LRRC51: variants seen among roughly 807,000 people sequenced by gnomAD.
The protein encoded by LRRC51 is leucine-rich repeat-containing protein 51.
A neutral mutation model predicts 17.8 loss-of-function variants in LRRC51; 8 were observed. The ratio of observed to expected loss-of-function variants is 0.45; its 90% CI spans 0.26 to 0.81. The LOEUF is 0.81. Ranked by LOEUF, LRRC51 falls within the 30% of genes least tolerant of loss-of-function variation. The probability of loss-of-function intolerance (pLI) is 0.17; values close to 1 mark genes in which losing one functional copy is unlikely to be tolerated. For synonymous variants in LRRC51, 92 were observed against 96.0 expected (o/e 0.96, Z 0.24); for missense variants, 233 against 239.3 (o/e 0.97, Z 0.17).
Position 72,093,583 on chromosome 11 carries a change from A to G in LRRC51, c.170A>G (p.Asn57Ser), listed in dbSNP as rs762696159. The change falls in exon 4 of 6, where the codon AAT becomes AGT. Residue 57 changes from asparagine (N) to serine (S), a missense_variant. Coordinates refer to ENST00000289488, the MANE Select transcript of LRRC51 (RefSeq NM_145309.6). ...GKSLTQSLWL[N>S]NNVLNDLRDF... ...TCACTGACCCAGTCCCTGTGGCTGA[A>G]TAACAATGTTCTCAATGATCTGAGA... The G allele has an allele frequency of 6.2e-7, 1 of 1,614,210 alleles. No individual in the cohort carries two copies. The highest frequency in any genetic ancestry group is 2.2e-5 in the East Asian group (1 of 44,890).
intron 1 of LRRC51, among the ~76,000 whole-genome samples, chr11:72,082,022 T>C (rs932456395): frequency 6.6e-5 from 10 of 152,194 alleles, no homozygotes; most frequent in Non-Finnish European, 1.2e-4. Flanking sequence ...CAGCTAAGTC[T>C]CTTTAGCTTC....
At chr11:72,090,264 C>T (rs1409672216) in intron 3 of LRRC51, among the ~76,000 whole-genome samples, 3 of 152,130 alleles carry the variant, frequency 2.0e-5, no homozygotes, top group Admixed American at 6.5e-5. Flanking sequence ...AAGACAGGTG[C>T]AATGACAGAG....
intron 3 of LRRC51, among the ~76,000 whole-genome samples, chr11:72,093,182 A>G (rs1451808610): frequency 6.6e-6 from 1 of 152,230 alleles, no homozygotes; most frequent in Non-Finnish European, 1.5e-5. Flanking sequence ...CTCAAGCCCA[A>G]CAATTCTGGT....
intron 4 of LRRC51, chr11:72,094,741 A>G: frequency 1.0e-6 from 1 of 982,162 alleles, no homozygotes. Flanking sequence ...CCTGACCCTC[A>G]GATCACAGCT....
At chr11:72,086,206 T>A in intron 1 of LRRC51, 1 of 581,284 alleles carries the variant, frequency 1.7e-6, no homozygotes, top group South Asian at 2.1e-5. Context: ...GAACTGAGTG[T>A]TGAAACATGA....
At chr11:72,093,798 G>A in intron 4 of LRRC51, 97 bp downstream of exon 4, 1 of 1,156,092 alleles carries the variant, frequency 8.6e-7, no homozygotes, top group South Asian at 1.2e-5. Context: ...AGGAAGTAAT[G>A]AGGCAGCATG....
At chr11:72,089,486 G>A (rs955491748) in intron 3 of LRRC51, 15 of 1,287,718 alleles carry the variant, frequency 1.2e-5, no homozygotes, top group Non-Finnish European at 1.5e-5. Context: ...GCTACAGCAG[G>A]AAAGTCAAGT....
At chr11:72,084,682 C>G (rs1944422105) in intron 1 of LRRC51, among the ~76,000 whole-genome samples, 1 of 151,700 alleles carries the variant, frequency 6.6e-6, no homozygotes, top group Non-Finnish European at 1.5e-5. Flanking sequence ...ACAAAAAATA[C>G]AAAAATTAGC....
intron 3 of LRRC51, among the ~76,000 whole-genome samples, chr11:72,091,810 G>A (rs542567185): frequency 6.6e-6 from 1 of 152,002 alleles, no homozygotes; most frequent in Admixed American, 6.6e-5. Context: ...GGTCTCAAAC[G>A]CCTAGGCTCA....
In LRRC51 at chr11:72,095,619, C is replaced by T. The variant is rs1945151715; in HGVS notation, c.*99C>T. 6.4e-7 allele frequency: 1 copy of T among 1,554,262 alleles called. No individual in the cohort carries two copies. The highest frequency in any genetic ancestry group is 8.7e-7 in the Non-Finnish European group (1 of 1,149,102). On this transcript the variant is annotated 3_prime_UTR_variant, in exon 6 of 6. Transcript: ENST00000289488. ...TTGAGCAGATGAGAAGTCACTTACA[C>T]CTTGTAGAGATGTTCTCTAACTCAG... is the stretch of plus-strand genomic sequence containing the variant.
Position 72,094,936 on chromosome 11 carries a change from C to T in LRRC51, c.289-12C>T. 1 of 1,614,086 alleles carries T rather than the reference C, an allele frequency of 6.2e-7. No individual in the cohort carries two copies. Among genetic ancestry groups the T allele is most frequent in the South Asian group, 1.1e-5 (1 of 91,066 alleles). On this transcript the variant is annotated splice_polypyrimidine_tract_variant and intron_variant, in intron 4 of 5. Transcript: ENST00000289488. Reference sequence around the variant, plus strand: ...CCTGTCTAGCCTGGCTTTTGGTTTCCCTCCCCAACAGGTCCTAACAACTTT... The same window carrying T: ...CCTGTCTAGCCTGGCTTTTGGTTTCTCTCCCCAACAGGTCCTAACAACTTT...
chr11:72,086,416 G>T (rs1441137424), intron 1 of LRRC51: 2 of 702,264 alleles, frequency 2.8e-6, no homozygotes, highest in East Asian at 5.4e-5. Flanking sequence ...ATCTTACTGT[G>T]AACAAGGTGT....
chr11:72,094,420 A>G, intron 4 of LRRC51: 1 of 487,438 alleles, frequency 2.1e-6, no homozygotes, highest in Non-Finnish European at 3.7e-6. Flanking sequence ...GAGGTAGTCA[A>G]TAAAGTACAG....
chr11:72,088,892 G>A (rs1011880611), intron 2 of LRRC51, 137 bp from the exon 3 acceptor site: 1 of 986,238 alleles, frequency 1.0e-6, no homozygotes, highest in Non-Finnish European at 1.5e-6. Context: ...ATGCAAGGAA[G>A]AGTGATTTCA....
Position 72,089,015 on chromosome 11 carries a change from C to T in LRRC51, c.-55-14C>T. 1 of 1,605,728 alleles carries T rather than the reference C, an allele frequency of 6.2e-7. No homozygotes were observed. The highest frequency in any genetic ancestry group is 1.1e-5 in the South Asian group (1 of 90,606). ...CGGTGTACTTGAAACACTGGTCTTT[C>T]TCTGTCCTCCCAGGCTGAACCCAGA... On this transcript the variant is annotated splice_polypyrimidine_tract_variant and intron_variant, in intron 2 of 5. Transcript: ENST00000289488.
Position 72,095,500 on chromosome 11 carries a change from A to C in LRRC51, c.559A>C (p.Thr187Pro). ...GAACATCAAGCCCAAGAAGGCCTGGACCAAGCAGAATACACTTTGAGGCTC... is the reference window on the plus strand; with the variant it reads ...GAACATCAAGCCCAAGAAGGCCTGGCCCAAGCAGAATACACTTTGAGGCTC... ...RMNIKPKKAW[T>P]KQNTL is the part of the protein sequence containing the mutation. The change falls in exon 6 of 6, where the codon ACC (threonine) becomes CCC (proline). Residue 187 changes from threonine to proline, a missense_variant. Transcript: ENST00000289488. 6.2e-7 allele frequency: 1 copy of C among 1,613,984 alleles called. No homozygotes were observed. Among genetic ancestry groups the C allele is most frequent in the Non-Finnish European group, 8.5e-7 (1 of 1,179,956 alleles).
At chr11:72,090,623 G>A (rs927563353) in intron 3 of LRRC51, among the ~76,000 whole-genome samples, 4 of 152,128 alleles carry the variant, frequency 2.6e-5, no homozygotes, top group African/African-American at 9.7e-5. Flanking sequence ...TACAGCTGGG[G>A]TTAAGGGATA....
intron 1 of LRRC51, among the ~76,000 whole-genome samples, chr11:72,082,754 G>A (rs569224805): frequency 6.6e-6 from 1 of 152,150 alleles, no homozygotes; most frequent in East Asian, 1.9e-4. Context: ...ATAGGTCCTA[G>A]CTACCATCAC....
At chr11:72,095,224 A>G in intron 5 of LRRC51, 128 bp downstream of exon 5, 1 of 1,562,656 alleles carries the variant, frequency 6.4e-7, no homozygotes, top group South Asian at 1.2e-5. Flanking sequence ...CAGACCTCTA[A>G]GCATTCCTTG....
Sources: allele counts gnomAD v4.1 joint callset (sites outside exome capture counted in the v4.1 genomes callset), GRCh38; gene constraint gnomAD v4.1.1; transcripts MANE v1.5; gene names NCBI Gene and HGNC (gene_info 2026-07-23, HGNC 2026-07-21).